The following EPB41L4A variants were observed in gnomAD, a reference collection of about 807,000 sequenced individuals.
EPB41L4A encodes the protein erythrocyte membrane protein band 4.1 like 4A.
In EPB41L4A, 100 loss-of-function variants were observed where a neutral mutation model predicts 108.6. The observed-to-expected ratio is 0.92, with a 90% CI of 0.78 to 1.09. The LOEUF (loss-of-function observed/expected upper bound fraction) is 1.09. Among genes scored for constraint, EPB41L4A ranks in the 50% least tolerant of loss-of-function variants. The probability of loss-of-function intolerance (pLI) is 0.00; values close to 1 mark genes in which losing one functional copy is unlikely to be tolerated. For synonymous variants in EPB41L4A, 319 were observed against 289.0 expected, an observed-to-expected ratio of 1.10 and a Z score of -1.05; for missense variants, 1,030 against 842.7, an observed-to-expected ratio of 1.22 and a Z score of -2.75.
At chr5:112,206,651 T>C (rs1035914028) in intron 13 of EPB41L4A, among the ~76,000 whole-genome samples, 2 of 151,944 alleles carry the variant, frequency 1.3e-5, no homozygotes, top group Non-Finnish European at 2.9e-5. Context: ...GAAGGGAGAC[T>C]GGAAAAGAAA....
At chr5:112,216,126 G>C (rs192167289) in intron 12 of EPB41L4A, among the ~76,000 whole-genome samples, 258 of 152,258 alleles carry the variant, frequency 1.7e-3, no homozygotes, top group African/African-American at 5.6e-3. Flanking sequence ...AGTGATCCTT[G>C]CCTTCAGTTC....
At chr5:112,219,856 C>G (rs1747921140) in intron 12 of EPB41L4A, among the ~76,000 whole-genome samples, 1 of 152,098 alleles carries the variant, frequency 6.6e-6, no homozygotes, top group African/African-American at 2.4e-5. Flanking sequence ...CCACCACACC[C>G]AGCTAATTTT....
rs180737823 is a variant in EPB41L4A at position 112,297,631 on chromosome 5, G to A, written c.204+9755C>T. ...CCTTTTGCTATGCAAAAGCTCTTTA[G>A]TTTAATTAAGTCTCACCTATTTATC... On this transcript the variant is annotated intron_variant, in intron 2 of 22. Transcript: ENST00000261486. Among the ~76,000 whole-genome samples the A allele has an allele frequency of 4.9e-3, 752 of 152,250 alleles. 6 individuals are homozygous for A. The highest frequency in any genetic ancestry group is 0.017 in the African/African-American group (710 of 41,564).
Position 112,184,037 on chromosome 5 carries a change from C to T in EPB41L4A, c.1601G>A (p.Arg534Gln), listed in dbSNP as rs545808705. Residue 534 changes from arginine to glutamine, a missense_variant, in exon 18 of 23, where the codon CGA (arginine) becomes CAA (glutamine). Transcript: ENST00000261486. The stretch of plus-strand genomic sequence containing the variant: ...ATACGAACGAGATCTGTGTCTGGAT[C>T]GCCTGTTGTTGGGGTCGGCTTGGTT... ...EKNQADPNNR[R>Q]SRHRSRSRSP... is the part of the protein sequence containing the mutation. The T allele has an allele frequency of 1.9e-6, 3 of 1,614,016 alleles. No homozygotes were observed. Among genetic ancestry groups the T allele is most frequent in the East Asian group, 2.2e-5 (1 of 44,874 alleles).
chr5:112,335,814 C>G (rs1265268130), intron 1 of EPB41L4A, among the ~76,000 whole-genome samples: 1 of 152,198 alleles, frequency 6.6e-6, no homozygotes, highest in African/African-American at 2.4e-5. Flanking sequence ...ATTATCTACA[C>G]CTTGATCTCC....
chr5:112,309,451 G>A (rs1313381668), intron 1 of EPB41L4A, among the ~76,000 whole-genome samples: 1 of 152,196 alleles, frequency 6.6e-6, no homozygotes, highest in Non-Finnish European at 1.5e-5. Flanking sequence ...CAGACCAGAT[G>A]ACGTGGTAGG....
chr5:112,366,708 A>G (rs1393855549), intron 1 of EPB41L4A, among the ~76,000 whole-genome samples: 1 of 152,120 alleles, frequency 6.6e-6, no homozygotes, highest in South Asian at 2.1e-4. Flanking sequence ...ACAGAGGTCA[A>G]TATCTCAAGG....
At chr5:112,256,618 GA>G (rs1751116120) in intron 9 of EPB41L4A, among the ~76,000 whole-genome samples, 2 of 151,904 alleles carry the variant, frequency 1.3e-5, no homozygotes, top group Non-Finnish European at 2.9e-5. Flanking sequence ...CACATAAAAA[GA>G]AAACTTATCA....
chr5:112,166,933 A>G (rs1312309112), intron 22 of EPB41L4A, among the ~76,000 whole-genome samples: 1 of 152,226 alleles, frequency 6.6e-6, no homozygotes. Flanking sequence ...CTGGATATTT[A>G]CTGAATTCAA....
chr5:112,319,491 G>A (rs1199320040), intron 1 of EPB41L4A, among the ~76,000 whole-genome samples: 1 of 151,966 alleles, frequency 6.6e-6, no homozygotes, highest in Non-Finnish European at 1.5e-5. Context: ...AGTACATTAG[G>A]GTCAAAGGCA....
chr5:112,227,693 A>T (rs1222056855), intron 12 of EPB41L4A, among the ~76,000 whole-genome samples: 1 of 152,154 alleles, frequency 6.6e-6, no homozygotes, highest in African/African-American at 2.4e-5. Context: ...CACAAGCCAC[A>T]CTGAGGTTCT....
chr5:112,338,742 G>A (rs1320433911), intron 1 of EPB41L4A, among the ~76,000 whole-genome samples: 3 of 152,094 alleles, frequency 2.0e-5, no homozygotes, highest in Non-Finnish European at 4.4e-5. Flanking sequence ...ACAACACATG[G>A]GCCAAATCTG....
intron 1 of EPB41L4A, among the ~76,000 whole-genome samples, chr5:112,310,107 G>A (rs924373543): frequency 1.3e-5 from 2 of 152,194 alleles, no homozygotes; most frequent in African/African-American, 4.8e-5. Flanking sequence ...ACAGAACTGT[G>A]AAATAATAAA....
intron 4 of EPB41L4A, among the ~76,000 whole-genome samples, chr5:112,272,008 T>A (rs1752290289): frequency 6.6e-6 from 1 of 152,172 alleles, no homozygotes; most frequent in African/African-American, 2.4e-5. Flanking sequence ...TTTTTCATAA[T>A]CTGAAACTTT....
At chr5:112,273,596 A>C (rs534499044) in intron 4 of EPB41L4A, among the ~76,000 whole-genome samples, 1 of 152,216 alleles carries the variant, frequency 6.6e-6, no homozygotes, top group South Asian at 2.1e-4. Context: ...ACGGACAATC[A>C]TAAGAGCTTT....
intron 1 of EPB41L4A, chr5:112,392,896 G>C (rs1761050135): frequency 6.6e-6 from 1 of 152,188 alleles, no homozygotes; most frequent in South Asian, 2.1e-4. Context: ...CTGTCTCTCA[G>C]ACAGCAGTGC....
chr5:112,346,051 T>TAAGAAC (rs1757641186), intron 1 of EPB41L4A, among the ~76,000 whole-genome samples: 2 of 152,040 alleles, frequency 1.3e-5, no homozygotes, highest in South Asian at 4.2e-4. Flanking sequence ...CTAGAAAGAC[T>TAAGAAC]AAGAACAAGA....
intron 1 of EPB41L4A, among the ~76,000 whole-genome samples, chr5:112,320,504 T>A (rs1755704477): frequency 6.6e-6 from 1 of 152,230 alleles, no homozygotes; most frequent in East Asian, 1.9e-4. Context: ...TCTTTAAAAT[T>A]GCAGTAACAG....
intron 17 of EPB41L4A, among the ~76,000 whole-genome samples, chr5:112,190,394 A>G (rs1204934204): frequency 6.6e-6 from 1 of 152,178 alleles, no homozygotes; most frequent in Non-Finnish European, 1.5e-5. Context: ...CTTGACGCCC[A>G]CATACAATTT....
Sources: allele counts gnomAD v4.1 joint callset (sites outside exome capture counted in the v4.1 genomes callset), GRCh38; gene constraint gnomAD v4.1.1; transcripts MANE v1.5; gene names NCBI Gene and HGNC (gene_info 2026-07-23, HGNC 2026-07-21).